ENDOV: variants seen among roughly 807,000 people sequenced by gnomAD.
ENDOV encodes the protein hEndoV.
In ENDOV, 37 loss-of-function variants were observed where a neutral mutation model predicts 39.4. The ratio of observed to expected loss-of-function variants is 0.94; its 90% CI spans 0.72 to 1.23. ENDOV has a LOEUF of 1.23. Ranked by LOEUF, ENDOV falls within the 50% of genes most tolerant of loss-of-function variation. The pLI, the probability that ENDOV is intolerant of heterozygous loss-of-function variation, is 0.00. For synonymous variants in ENDOV, 186 were observed against 163.4 expected (o/e 1.14, Z -1.05); for missense variants, 441 against 375.7 (o/e 1.17, Z -1.44).
At chr17:80,428,356 T>G in intron 7 of ENDOV, 1 of 548,368 alleles carries the variant, frequency 1.8e-6, no homozygotes, top group Non-Finnish European at 3.3e-6. Flanking sequence ...CTCAGGCCCT[T>G]CAGGGACTGC....
In ENDOV at chr17:80,425,483, T is replaced by G. The variant is rs41299840; in HGVS notation, c.586-9T>G. ...GCCCACAGGACAGCCCTCGCCTTCC[T>G]TGTCACAGGCCCTGAGGAGCCACGA... is the stretch of plus-strand genomic sequence containing the variant. On this transcript the variant is annotated splice_polypyrimidine_tract_variant and intron_variant, in intron 6 of 9. Transcript: ENST00000518137. 2,867 of 1,593,366 alleles carry G rather than the reference T, an allele frequency of 1.8e-3. 47 individuals carry two copies. The African/African-American group carries it at 0.034, about 19-fold the overall frequency.
In ENDOV at chr17:80,415,660, C is replaced by G. The variant is rs200194139; in HGVS notation, c.67C>G (p.Arg23Gly). Residue 23 changes from arginine to glycine, a missense_variant, in exon 2 of 10, where the codon CGG becomes GGG. Arg to Gly is a moderately radical substitution (Grantham distance 125, BLOSUM62 -2). Transcript: ENST00000518137. Reference protein sequence around the residue: ...TLSLWKREQARLKAHVVDRDT... With the variant: ...TLSLWKREQAGLKAHVVDRDT... ...CTTCTGTCCTCCTAGGGAGCAAGCT[C>G]GGCTGAAGGCCCACGTCGTAGACCG... 2.4e-5 allele frequency: 38 copies of G among 1,612,258 alleles called. No individual in the cohort carries two copies. Among genetic ancestry groups the G allele is most frequent in the Non-Finnish European group, 2.8e-5 (33 of 1,179,304 alleles).
intron 9 of ENDOV, among the ~76,000 whole-genome samples, chr17:80,430,788 C>T (rs1264860370): frequency 2.0e-5 from 3 of 152,230 alleles, no homozygotes; most frequent in African/African-American, 7.2e-5. Context: ...GAAAGTTGAT[C>T]ACTGTCCTCT....
chr17:80,426,168 G>T (rs1050806069), intron 7 of ENDOV, among the ~76,000 whole-genome samples: 1 of 152,242 alleles, frequency 6.6e-6, no homozygotes, highest in African/African-American at 2.4e-5. Flanking sequence ...CAGCCTGTGG[G>T]CCAGGGAGAG....
chr17:80,426,020 G>A (rs2082646271), intron 7 of ENDOV, among the ~76,000 whole-genome samples: 1 of 152,214 alleles, frequency 6.6e-6, no homozygotes, highest in Admixed American at 6.5e-5. Flanking sequence ...GCTCCTGCAG[G>A]AAAGCTGTGC....
At chr17:80,433,525 C>G (rs937579319) in intron 9 of ENDOV, among the ~76,000 whole-genome samples, 2 of 152,246 alleles carry the variant, frequency 1.3e-5, no homozygotes, top group Admixed American at 1.3e-4. Context: ...CTGGCTGCCC[C>G]CTTCCTCTGG....
chr17:80,422,700 A>G (rs1367438748), intron 4 of ENDOV, among the ~76,000 whole-genome samples: 1 of 151,532 alleles, frequency 6.6e-6, no homozygotes, highest in Non-Finnish European at 1.5e-5. Flanking sequence ...GCTGAGGGAG[A>G]TGGGCTCTTT....
chr17:80,423,761 C>T, intron 5 of ENDOV, 129 bp downstream of exon 5: 1 of 877,276 alleles, frequency 1.1e-6, no homozygotes, highest in South Asian at 1.7e-5. Flanking sequence ...TGGCTTGTGG[C>T]CTGGAGTAAG....
At chr17:80,427,760 TTGG>T in intron 7 of ENDOV, 1 of 1,289,340 alleles carries the variant, frequency 7.8e-7, no homozygotes, top group African/African-American at 1.5e-5. Flanking sequence ...CCGGGCCGTC[TTGG>T]TGGCCCCATG....
intron 9 of ENDOV, 114 bp from the exon 10 acceptor site, chr17:80,436,019 T>G: frequency 4.2e-6 from 5 of 1,198,418 alleles, no homozygotes; most frequent in Non-Finnish European, 6.0e-6. Context: ...CCTCCCCAAG[T>G]GCTGAGATTA....
At chr17:80,423,461 A>G in intron 4 of ENDOV, 59 bp from the exon 5 acceptor site, 1 of 1,480,968 alleles carries the variant, frequency 6.8e-7, no homozygotes, top group South Asian at 1.3e-5. Context: ...CTTGTCCTGA[A>G]TCCCTGTGCC....
chr17:80,418,068 C>T (rs1367108372), intron 2 of ENDOV: 1 of 152,164 alleles, frequency 6.6e-6, no homozygotes, highest in Non-Finnish European at 1.5e-5. Context: ...TCAGCAGCCC[C>T]TACTCTAAGA....
At chr17:80,427,502 C>T in intron 7 of ENDOV, 2 of 985,478 alleles carry the variant, frequency 2.0e-6, no homozygotes, top group Non-Finnish European at 2.4e-6. Flanking sequence ...AAATCCTGGG[C>T]CCACCCTCCA....
chr17:80,427,915 T>TG (rs2082922808), intron 7 of ENDOV: 2 of 1,206,728 alleles, frequency 1.7e-6, no homozygotes, highest in Non-Finnish European at 2.1e-6. Flanking sequence ...AGGAGCAGGC[T>TG]GGGGGATTAG....
chr17:80,433,990 A>G (rs989532933), intron 9 of ENDOV, among the ~76,000 whole-genome samples: 1 of 152,262 alleles, frequency 6.6e-6, no homozygotes, highest in African/African-American at 2.4e-5. Flanking sequence ...ATGTGCAACC[A>G]TCATTACTGT....
At chr17:80,432,335 C>G (rs564721382) in intron 9 of ENDOV, among the ~76,000 whole-genome samples, 2 of 152,080 alleles carry the variant, frequency 1.3e-5, no homozygotes, top group African/African-American at 4.8e-5. Context: ...GAGGGAAGGG[C>G]GTCTGCCCAC....
Position 80,425,060 on chromosome 17 carries a change from C to G in ENDOV, c.545C>G (p.Ser182Ter), listed in dbSNP as rs374533284. The G allele has an allele frequency of 1.4e-5, 22 of 1,612,362 alleles. No homozygotes were observed. The highest frequency in any genetic ancestry group is 1.7e-5 in the Non-Finnish European group (20 of 1,179,384). ...KIRLLQTRGD[S>*]FPLLGDSGTV... Reference sequence around the variant, plus strand: ...CGACTCCTGCAGACTCGAGGAGACTCATTCCCTCTGCTGGGAGACTCTGGG... The same window carrying G: ...CGACTCCTGCAGACTCGAGGAGACTGATTCCCTCTGCTGGGAGACTCTGGG... Residue 182 changes from serine to a stop codon, truncating the protein, a stop_gained, in exon 6 of 10, where the codon TCA becomes TGA. Coordinates refer to ENST00000518137, the MANE Select transcript of ENDOV (RefSeq NM_173627.5). LOFTEE classifies it high-confidence loss of function.
At chr17:80,428,324 C>T (rs2082978913) in intron 7 of ENDOV, 13 of 491,344 alleles carry the variant, frequency 2.6e-5, no homozygotes, top group Non-Finnish European at 3.7e-6. Flanking sequence ...CCCCCTCACT[C>T]AGCCTGTCCA....
At chr17:80,426,516 T>C (rs959750242) in intron 7 of ENDOV, among the ~76,000 whole-genome samples, 6 of 152,080 alleles carry the variant, frequency 3.9e-5, no homozygotes, top group Non-Finnish European at 7.4e-5. Context: ...CCAAGTGTGG[T>C]GGTGCGTGCC....
Sources: allele counts gnomAD v4.1 joint callset (sites outside exome capture counted in the v4.1 genomes callset), GRCh38; gene constraint gnomAD v4.1.1; transcripts MANE v1.5; gene names NCBI Gene and HGNC (gene_info 2026-07-23, HGNC 2026-07-21).